The following STXBP6 variants were observed in gnomAD, a reference collection of about 807,000 sequenced individuals.
STXBP6 encodes syntaxin binding protein 6.
STXBP6 carries 21 observed loss-of-function variants against 26.9 expected under a neutral mutation model. The observed-to-expected ratio is 0.78, with a 90% CI of 0.55 to 1.12. The LOEUF (loss-of-function observed/expected upper bound fraction) is 1.12, where lower values mean the gene tolerates loss of function less well. Among genes scored for constraint, STXBP6 ranks in the 50% most tolerant of loss-of-function variants. STXBP6 has a pLI of 0.00. For missense variants in STXBP6, 232 were observed against 257.9 expected, an observed-to-expected ratio of 0.90 and a Z score of 0.69; for synonymous variants, 97 against 92.6, an observed-to-expected ratio of 1.05 and a Z score of -0.27.
intron 2 of STXBP6, among the ~76,000 whole-genome samples, chr14:24,935,688 G>A (rs966613334): frequency 2.0e-5 from 3 of 151,912 alleles, no homozygotes; most frequent in African/African-American, 7.3e-5. Context: ...GTCTACTTTC[G>A]AACACACTTG....
intron 2 of STXBP6, among the ~76,000 whole-genome samples, chr14:24,953,023 T>C (rs2073223680): frequency 6.6e-6 from 1 of 152,214 alleles, no homozygotes; most frequent in Admixed American, 6.5e-5. Flanking sequence ...TTCTATACTT[T>C]CTACAGCATT....
chr14:24,987,337 T>C (rs2074358533), intron 1 of STXBP6, among the ~76,000 whole-genome samples: 1 of 152,188 alleles, frequency 6.6e-6, no homozygotes, highest in Middle Eastern at 3.2e-3. Flanking sequence ...ATGAATAATA[T>C]TTGGGCAAAA....
At position 24,819,148 on chromosome 14, in the gene STXBP6, C is replaced by T; in HGVS notation, c.498G>A (p.Val166=). ...HSAADSVTSA[V]QKASQALNER... Reference sequence around the variant, plus strand: ...CATTCAAGGCCTGGCTTGCCTTCTGCACTGCGCTGGTCACGCTGTCAGCAG... The same window carrying T: ...CATTCAAGGCCTGGCTTGCCTTCTGTACTGCGCTGGTCACGCTGTCAGCAG... The change falls in exon 5 of 6, where the codon GTG becomes GTA. Residue 166 remains valine (V), a synonymous_variant. Coordinates refer to ENST00000323944, the MANE Select transcript of STXBP6 (RefSeq NM_001394410.1). 6.2e-7 allele frequency: 1 copy of T among 1,614,170 alleles called. No homozygotes were observed. The highest frequency in any genetic ancestry group is 2.2e-5 in the East Asian group (1 of 44,868).
intron 2 of STXBP6, among the ~76,000 whole-genome samples, chr14:24,922,181 C>T (rs1450921326): frequency 6.6e-6 from 1 of 152,082 alleles, no homozygotes. Context: ...CCTTCTCCCT[C>T]ATTCCAGTAA....
intron 1 of STXBP6, among the ~76,000 whole-genome samples, chr14:25,008,672 G>A (rs960389899): frequency 1.3e-5 from 2 of 152,110 alleles, no homozygotes; most frequent in Non-Finnish European, 2.9e-5. Flanking sequence ...TCATTTTTCT[G>A]TTGACTCTCA....
At chr14:24,905,187 C>T (rs1184486458) in intron 2 of STXBP6, among the ~76,000 whole-genome samples, 3 of 152,122 alleles carry the variant, frequency 2.0e-5, no homozygotes, top group African/African-American at 7.2e-5. Flanking sequence ...TCAGACTTAT[C>T]CATGCTTTTG....
chr14:24,993,579 A>T (rs528893562), intron 1 of STXBP6, among the ~76,000 whole-genome samples: 2 of 152,204 alleles, frequency 1.3e-5, no homozygotes, highest in Admixed American at 1.3e-4. Context: ...ACTTTTCTGA[A>T]ATGCCTGGGG....
At position 24,811,177 on chromosome 14, in the gene STXBP6, T is replaced by C. The variant is rs566987982; in HGVS notation, c.*1532A>G. 6.6e-6 allele frequency: 1 copy of C among 152,258 alleles called. No individual in the cohort carries two copies. Among genetic ancestry groups the C allele is most frequent in the Non-Finnish European group, 1.5e-5 (1 of 68,026 alleles). The allele number at this position is 152,258 out of a possible 1,614,324, so 9.4% of individuals were successfully genotyped here. The stretch of plus-strand genomic sequence containing the variant: ...CCTTTTAATGTGCACCATCTGATAT[T>C]TTTACCCCCAGTAGACAAACTTTCT... On this transcript the variant is annotated 3_prime_UTR_variant, in exon 6 of 6. Transcript: ENST00000323944.
chr14:24,839,449 T>C (rs1417461752), intron 4 of STXBP6, among the ~76,000 whole-genome samples: 3 of 152,142 alleles, frequency 2.0e-5, no homozygotes, highest in South Asian at 4.2e-4. Flanking sequence ...CATTATCCCA[T>C]AGTCTCCTAA....
chr14:24,884,048 AT>A (rs2070478594), intron 2 of STXBP6, among the ~76,000 whole-genome samples: 1 of 152,058 alleles, frequency 6.6e-6, no homozygotes, highest in Admixed American at 6.6e-5. Context: ...TTCATAATCA[AT>A]TTTTAGCATG....
chr14:25,036,280 A>G (rs2075550768), intron 1 of STXBP6, among the ~76,000 whole-genome samples: 1 of 151,314 alleles, frequency 6.6e-6, no homozygotes, highest in South Asian at 2.1e-4. Flanking sequence ...TCCTCAGCTT[A>G]TAGATAATAT....
At chr14:24,918,797 G>A (rs1165984341) in intron 2 of STXBP6, among the ~76,000 whole-genome samples, 2 of 152,122 alleles carry the variant, frequency 1.3e-5, no homozygotes, top group African/African-American at 2.4e-5. Flanking sequence ...AGCATCTTAT[G>A]TTTGAATATT....
Position 24,811,102 on chromosome 14 carries a change from T to C in STXBP6, c.*1607A>G, listed in dbSNP as rs1314755645. ...AAATTTTATAGAGGGTTTTCTTGAATTGGATCATCTAAAAGGATTCTGAAA... is the reference window on the plus strand; with the variant it reads ...AAATTTTATAGAGGGTTTTCTTGAACTGGATCATCTAAAAGGATTCTGAAA... On this transcript the variant is annotated 3_prime_UTR_variant, in exon 6 of 6. Transcript: ENST00000323944. The C allele has an allele frequency of 6.6e-6, 1 of 152,160 alleles. No homozygotes were observed. The highest frequency in any genetic ancestry group is 1.5e-5 in the Non-Finnish European group (1 of 68,032). The allele number at this position is 152,160 out of a possible 1,614,324, so 9.4% of individuals were successfully genotyped here.
chr14:24,970,936 A>T (rs2073888764), intron 2 of STXBP6, among the ~76,000 whole-genome samples: 1 of 152,236 alleles, frequency 6.6e-6, no homozygotes, highest in Non-Finnish European at 1.5e-5. Flanking sequence ...TAAGAATGTT[A>T]ATCACAGAGG....
intron 2 of STXBP6, among the ~76,000 whole-genome samples, chr14:24,917,707 A>G (rs991513067): frequency 1.4e-4 from 21 of 152,150 alleles, no homozygotes; most frequent in Non-Finnish European, 2.9e-4. Context: ...AAAAGTTTCT[A>G]GACATGACAC....
At chr14:24,826,391 CT>C (rs1320055075) in intron 4 of STXBP6, among the ~76,000 whole-genome samples, 1 of 152,120 alleles carries the variant, frequency 6.6e-6, no homozygotes, top group Non-Finnish European at 1.5e-5. Context: ...GACACTGAAC[CT>C]TAGCCATTAC....
chr14:24,981,349 C>T (rs2074187592), intron 1 of STXBP6, among the ~76,000 whole-genome samples: 1 of 152,028 alleles, frequency 6.6e-6, no homozygotes, highest in Non-Finnish European at 1.5e-5. Context: ...TGGCTCACTG[C>T]AACCTCTGTC....
chr14:25,008,380 C>A (rs1369058051), intron 1 of STXBP6, among the ~76,000 whole-genome samples: 2 of 151,948 alleles, frequency 1.3e-5, no homozygotes, highest in African/African-American at 2.4e-5. Flanking sequence ...CCTGTGGTCC[C>A]AGCTGAAGTG....
At chr14:24,973,593 C>A (rs985274889) in intron 2 of STXBP6, among the ~76,000 whole-genome samples, 53 of 152,010 alleles carry the variant, frequency 3.5e-4, no homozygotes, top group African/African-American at 1.3e-3. Flanking sequence ...ACTATGTTGG[C>A]CAGGCTGGTC....
Sources: gnomAD v4.1 joint callset for allele counts (sites outside exome capture counted in the v4.1 genomes callset) on GRCh38, gnomAD v4.1.1 for gene constraint, MANE v1.5 for transcripts, NCBI Gene and HGNC (gene_info 2026-07-23, HGNC 2026-07-21) for gene names.